Variants in ARHGAP15 observed in about 807,000 individuals in gnomAD.
ARHGAP15 encodes rho GTPase-activating protein 15.
A neutral mutation model predicts 63.7 loss-of-function variants in ARHGAP15; 51 were observed. The observed-to-expected ratio is 0.80, with a 90% confidence interval of 0.64 to 1.01. The LOEUF is 1.01. ARHGAP15 is among the 50% of genes least tolerant of loss of function. The pLI is 0.00. For synonymous variants in ARHGAP15, 191 were observed against 193.8 expected (o/e 0.99, Z 0.12); for missense variants, 560 against 564.6 (o/e 0.99, Z 0.08).
intron 6 of ARHGAP15, among the ~76,000 whole-genome samples, chr2:143,341,548 C>T (rs1032088465): frequency 2.6e-5 from 4 of 152,084 alleles, no homozygotes; most frequent in South Asian, 2.1e-4. Flanking sequence ...CTTTCCTTTT[C>T]GGTTTTGGTT....
chr2:143,132,410 G>T (rs12467759), intron 1 of ARHGAP15, among the ~76,000 whole-genome samples: 1 of 152,178 alleles, frequency 6.6e-6, no homozygotes. Flanking sequence ...TTTTCACTAT[G>T]CTGTAAGCAG....
chr2:143,400,033 C>T (rs954689298), intron 6 of ARHGAP15, among the ~76,000 whole-genome samples: 2 of 152,024 alleles, frequency 1.3e-5, no homozygotes, highest in Admixed American at 6.6e-5. Context: ...GTTCATATCA[C>T]TAGGTGGTTC....
At chr2:143,579,801 T>C (rs1443631601) in intron 11 of ARHGAP15, among the ~76,000 whole-genome samples, 3 of 151,890 alleles carry the variant, frequency 2.0e-5, no homozygotes, top group Non-Finnish European at 4.4e-5. Context: ...AGAATTAAGA[T>C]TCTGAACTTT....
At chr2:143,436,323 G>A (rs780092579) in intron 7 of ARHGAP15, among the ~76,000 whole-genome samples, 12 of 151,914 alleles carry the variant, frequency 7.9e-5, no homozygotes, top group Admixed American at 2.6e-4. Context: ...TTCTTAATAC[G>A]GAATACAACA....
intron 10 of ARHGAP15, among the ~76,000 whole-genome samples, chr2:143,538,067 T>G (rs1694864064): frequency 6.6e-6 from 1 of 152,210 alleles, no homozygotes; most frequent in Non-Finnish European, 1.5e-5. Context: ...AGCAGTAGTT[T>G]GTAGTTCTCC....
chr2:143,658,610 C>CA (rs1292049308), intron 12 of ARHGAP15, among the ~76,000 whole-genome samples: 1 of 152,088 alleles, frequency 6.6e-6, no homozygotes, highest in Non-Finnish European at 1.5e-5. Flanking sequence ...TATGGGGATT[C>CA]AAAGATGGAG....
intron 12 of ARHGAP15, among the ~76,000 whole-genome samples, chr2:143,638,789 A>ATAAAC (rs1278190845): frequency 6.6e-6 from 1 of 151,798 alleles, no homozygotes; most frequent in African/African-American, 2.4e-5. Flanking sequence ...CACTAATACT[A>ATAAAC]TAAACTATTA....
chr2:143,130,542 A>G (rs867802971), intron 1 of ARHGAP15, among the ~76,000 whole-genome samples: 1 of 152,140 alleles, frequency 6.6e-6, no homozygotes, highest in Non-Finnish European at 1.5e-5. Context: ...AAGTGGCAAC[A>G]ATTTTCTTTT....
At chr2:143,446,722 C>T (rs1441784133) in intron 8 of ARHGAP15, among the ~76,000 whole-genome samples, 1 of 151,726 alleles carries the variant, frequency 6.6e-6, no homozygotes, top group Non-Finnish European at 1.5e-5. Context: ...TGGTGCGCTG[C>T]ACCCCTTAAC....
chr2:143,313,650 A>G (rs1359350689), intron 6 of ARHGAP15, among the ~76,000 whole-genome samples: 1 of 152,182 alleles, frequency 6.6e-6, no homozygotes, highest in Non-Finnish European at 1.5e-5. Flanking sequence ...TAACATAACG[A>G]CAGATGCTGA....
chr2:143,531,619 C>G (rs918685892), intron 10 of ARHGAP15, among the ~76,000 whole-genome samples: 8 of 152,128 alleles, frequency 5.3e-5, no homozygotes, highest in African/African-American at 1.9e-4. Flanking sequence ...AGTAAAAGGC[C>G]TAACCTGCTA....
At chr2:143,643,842 A>T (rs1453998845) in intron 12 of ARHGAP15, among the ~76,000 whole-genome samples, 1 of 152,122 alleles carries the variant, frequency 6.6e-6, no homozygotes, top group Non-Finnish European at 1.5e-5. Context: ...GATAACCAAG[A>T]GGATAGAAAT....
intron 10 of ARHGAP15, among the ~76,000 whole-genome samples, chr2:143,552,579 G>A (rs1051037832): frequency 2.6e-5 from 4 of 151,780 alleles, no homozygotes; most frequent in Non-Finnish European, 5.9e-5. Context: ...GGGGAGGCAG[G>A]GGAAGACTTT....
chr2:143,330,712 T>C (rs1226878982), intron 6 of ARHGAP15, among the ~76,000 whole-genome samples: 1 of 152,202 alleles, frequency 6.6e-6, no homozygotes, highest in Non-Finnish European at 1.5e-5. Context: ...CCATCAGTGA[T>C]ATATTGGAAA....
At chr2:143,149,348 C>G (rs1445859488) in intron 1 of ARHGAP15, among the ~76,000 whole-genome samples, 1 of 151,936 alleles carries the variant, frequency 6.6e-6, no homozygotes, top group Non-Finnish European at 1.5e-5. Flanking sequence ...ATGGGAATTC[C>G]CTGGGTGTAT....
At position 143,161,619 on chromosome 2, in the gene ARHGAP15, T is replaced by G. The variant is rs1424625823; in HGVS notation, c.165+5964T>G. On this transcript the variant is annotated intron_variant, in intron 2 of 13. Transcript: ENST00000295095. Reference sequence around the variant, plus strand: ...TCCTTCTCAAGACTGACAGATCAGGTGCTGTCAGCGAGAATGCCTCTAACA... The same window carrying G: ...TCCTTCTCAAGACTGACAGATCAGGGGCTGTCAGCGAGAATGCCTCTAACA... Among the ~76,000 whole-genome samples the G allele has an allele frequency of 3.3e-5, 5 of 152,018 alleles. No individual in the cohort carries two copies. The East Asian group carries it at 9.7e-4, about 30-fold the overall frequency.
At chr2:143,740,279 A>C (rs1384022450) in intron 13 of ARHGAP15, among the ~76,000 whole-genome samples, 1 of 152,224 alleles carries the variant, frequency 6.6e-6, no homozygotes, top group East Asian at 1.9e-4. Flanking sequence ...CAGAGAATCT[A>C]CTGGGCTATA....
At chr2:143,291,007 C>A (rs1682370723) in intron 6 of ARHGAP15, among the ~76,000 whole-genome samples, 1 of 152,056 alleles carries the variant, frequency 6.6e-6, no homozygotes. Context: ...CCAGTGAGAT[C>A]ATCAGTGAGA....
At chr2:143,270,659 A>G (rs946483877) in intron 6 of ARHGAP15, among the ~76,000 whole-genome samples, 11 of 152,164 alleles carry the variant, frequency 7.2e-5, no homozygotes, top group South Asian at 2.1e-4. Context: ...TTTCTTTGGT[A>G]TTGACATAGT....
Sources: gnomAD v4.1 joint callset for allele counts (sites outside exome capture counted in the v4.1 genomes callset) on GRCh38, gnomAD v4.1.1 for gene constraint, MANE v1.5 for transcripts, NCBI Gene and HGNC (gene_info 2026-07-23, HGNC 2026-07-21) for gene names.